The following UBE4B variants were observed in gnomAD, a reference collection of about 807,000 sequenced individuals.
The protein encoded by UBE4B is ubiquitin conjugation factor E4 B.
A neutral mutation model predicts 148.1 loss-of-function variants in UBE4B; 27 were observed. The ratio of observed to expected loss-of-function variants is 0.18; its 90% CI spans 0.13 to 0.25. The LOEUF (loss-of-function observed/expected upper bound fraction) is 0.25. UBE4B is among the 10% of genes least tolerant of loss of function. The pLI, the probability that UBE4B is intolerant of heterozygous loss-of-function variation, is 1.00. For missense variants in UBE4B, 1,170 were observed against 1,662.4 expected (o/e 0.70, Z 5.15); for synonymous variants, 596 against 619.3 (o/e 0.96, Z 0.56).
chr1:10,140,509 TATCA>T (rs1645766517), intron 17 of UBE4B, among the ~76,000 whole-genome samples: 1 of 152,374 alleles, frequency 6.6e-6, no homozygotes, highest in Middle Eastern at 3.4e-3. Context: ...CAGCTTATAA[TATCA>T]ATCACTGAGA....
chr1:10,115,219 C>G (rs1645288820), intron 7 of UBE4B, among the ~76,000 whole-genome samples: 1 of 149,484 alleles, frequency 6.7e-6, no homozygotes, highest in Admixed American at 6.7e-5. Context: ...CTCCTGACCT[C>G]AAGTGATCTG....
chr1:10,132,307 C>A, intron 14 of UBE4B, 62 bp from the exon 15 acceptor site: 2 of 1,367,210 alleles, frequency 1.5e-6, no homozygotes, highest in South Asian at 1.3e-5. Context: ...TTCGTGAAGT[C>A]AAAAAGGAAT....
chr1:10,149,144 A>G, intron 19 of UBE4B, 40 bp from the exon 20 acceptor site: 1 of 1,434,224 alleles, frequency 7.0e-7, no homozygotes, highest in South Asian at 1.3e-5. Context: ...GATGTACCAT[A>G]ATTTCATTTA....
At chr1:10,051,317 A>C (rs1644039902) in intron 1 of UBE4B, among the ~76,000 whole-genome samples, 1 of 152,162 alleles carries the variant, frequency 6.6e-6, no homozygotes, top group African/African-American at 2.4e-5. Flanking sequence ...AGTGATGTGA[A>C]GTGTGCATGG....
At chr1:10,072,707 A>G in intron 2 of UBE4B, 1 of 488,914 alleles carries the variant, frequency 2.0e-6, no homozygotes, top group Non-Finnish European at 3.6e-6. Context: ...GTAAAAGTTT[A>G]TTTCTTTATA....
chr1:10,111,349 G>A (rs1346999489), intron 7 of UBE4B, among the ~76,000 whole-genome samples: 2 of 151,920 alleles, frequency 1.3e-5, no homozygotes, highest in Non-Finnish European at 2.9e-5. Context: ...TTCTTTGCAC[G>A]TAATACTCCC....
intron 19 of UBE4B, 75 bp downstream of exon 19, chr1:10,147,165 A>G (rs1011232931): frequency 6.3e-7 from 1 of 1,596,394 alleles, no homozygotes; most frequent in Non-Finnish European, 8.6e-7. Flanking sequence ...TTCAAAGTTG[A>G]TAACTAAAAC....
At chr1:10,069,978 A>G (rs1044826562) in intron 1 of UBE4B, among the ~76,000 whole-genome samples, 2 of 152,172 alleles carry the variant, frequency 1.3e-5, no homozygotes, top group East Asian at 1.9e-4. Flanking sequence ...AGCTGTCTGT[A>G]AGATAATGAA....
chr1:10,120,278 T>C (rs1418536372), intron 9 of UBE4B, among the ~76,000 whole-genome samples: 1 of 152,094 alleles, frequency 6.6e-6, no homozygotes, highest in African/African-American at 2.4e-5. Context: ...CCCAGCACTT[T>C]GGGAGGCTGA....
rs114189111 is a variant in UBE4B, at chr1:10,175,903, T to A, written c.3526-2741T>A. Among the ~76,000 whole-genome samples, 734 of 152,284 alleles carry A rather than the reference T, an allele frequency of 4.8e-3. 1 individual carries two copies. The highest frequency in any genetic ancestry group is 0.01 in the Middle Eastern group (3 of 294). On this transcript the variant is annotated intron_variant, in intron 25 of 27. Coordinates refer to ENST00000343090, the MANE Select transcript of UBE4B (RefSeq NM_001105562.3). ...TACCATTTTGTGGCATGTAGTACAG[T>A]CACAGCGTTGCACAGCCACCACCTC...
At chr1:10,041,589 C>T (rs992341715) in intron 1 of UBE4B, among the ~76,000 whole-genome samples, 8 of 152,138 alleles carry the variant, frequency 5.3e-5, no homozygotes, top group African/African-American at 1.9e-4. Context: ...CCCGCCTCGG[C>T]CTTCCAAAGT....
In UBE4B at chr1:10,032,968, G is replaced by C. The variant is rs924247200; in HGVS notation, c.-703G>C. ...CGGGGGTCACGTGATCCCTTTCAAA[G>C]ATGGCCGCCCTGTTGTTTTGATGAA... On this transcript the variant is annotated 5_prime_UTR_variant, in exon 1 of 28. Transcript: ENST00000343090. The C allele has an allele frequency of 6.6e-6, 1 of 152,258 alleles. No homozygotes were observed. Among genetic ancestry groups the C allele is most frequent in the Non-Finnish European group, 1.5e-5 (1 of 68,066 alleles). 9.4% of individuals were successfully genotyped at this position (152,258 alleles called of 1,614,324 possible).
intron 15 of UBE4B, 52 bp from the exon 16 acceptor site, chr1:10,134,934 CAA>C: frequency 6.5e-7 from 1 of 1,546,566 alleles, no homozygotes; most frequent in Non-Finnish European, 8.8e-7. Context: ...GACCCCATCT[CAA>C]AAAAAATTTT....
intron 25 of UBE4B, among the ~76,000 whole-genome samples, chr1:10,172,284 C>T (rs982125152): frequency 3.3e-5 from 5 of 152,194 alleles, no homozygotes; most frequent in African/African-American, 4.8e-5. Flanking sequence ...TCATTTTCAA[C>T]GTCCTCACAG....
At chr1:10,117,754 C>T (rs942000102) in intron 8 of UBE4B, among the ~76,000 whole-genome samples, 154 bp downstream of exon 8, 3 of 152,102 alleles carry the variant, frequency 2.0e-5, no homozygotes, top group Admixed American at 6.6e-5. Flanking sequence ...TAGGATGTGT[C>T]GATGAACAAA....
At chr1:10,175,425 G>A (rs1279434232) in intron 25 of UBE4B, among the ~76,000 whole-genome samples, 2 of 152,064 alleles carry the variant, frequency 1.3e-5, no homozygotes, top group South Asian at 2.1e-4. Context: ...GCCAAGGCGG[G>A]CGGATCACAA....
intron 9 of UBE4B, among the ~76,000 whole-genome samples, chr1:10,120,761 C>G (rs1570929482): frequency 6.6e-6 from 1 of 151,918 alleles, no homozygotes; most frequent in Non-Finnish European, 1.5e-5. Context: ...TTGCTTGAAC[C>G]CGGGAGGTGG....
At chr1:10,159,545 C>T (rs1344663050) in intron 22 of UBE4B, among the ~76,000 whole-genome samples, 3 of 152,034 alleles carry the variant, frequency 2.0e-5, no homozygotes, top group South Asian at 2.1e-4. Context: ...TGGTGGTGGG[C>T]GCGGTGGCGG....
At chr1:10,105,473 T>TC in intron 5 of UBE4B, 43 bp from the exon 6 acceptor site, 1 of 1,586,062 alleles carries the variant, frequency 6.3e-7, no homozygotes, top group South Asian at 1.1e-5. Flanking sequence ...TAACCTGTGT[T>TC]CGAACTGTGT....
Sources: gnomAD v4.1 joint callset for allele counts (sites outside exome capture counted in the v4.1 genomes callset) on GRCh38, gnomAD v4.1.1 for gene constraint, MANE v1.5 for transcripts, NCBI Gene and HGNC (gene_info 2026-07-23, HGNC 2026-07-21) for gene names.